MYO1E: variants seen among roughly 807,000 people sequenced by gnomAD.
MYO1E encodes unconventional myosin-Ie.
MYO1E carries 68 observed loss-of-function variants against 151.1 expected under a neutral mutation model. The ratio of observed to expected loss-of-function variants is 0.45; its 90% CI spans 0.37 to 0.55. MYO1E has a LOEUF of 0.55. MYO1E is among the 20% of genes least tolerant of loss of function. The probability of loss-of-function intolerance (pLI) is 0.00; values close to 1 mark genes in which losing one functional copy is unlikely to be tolerated. For missense variants in MYO1E, 1,363 were observed against 1,389.3 expected (o/e 0.98, Z 0.30); for synonymous variants, 601 against 501.7 (o/e 1.20, Z -2.64).
In MYO1E at chr15:59,212,792, A is replaced by G. The variant is rs1596368256; in HGVS notation, c.1275+1436T>C. The G allele has an allele frequency of 3.9e-5, 6 of 152,248 alleles. 1 individual carries two copies. The highest frequency in any genetic ancestry group is 3.8e-4 in the East Asian group (2 of 5,198). The allele number at this position is 152,248 out of a possible 1,614,324, so 9.4% of individuals were successfully genotyped here. On this transcript the variant is annotated intron_variant, in intron 12 of 27. Transcript: ENST00000288235. ...AATATTGCCATTGCGCAAAGCTAAA[A>G]TGGTGTCTTCATGAAAGAGACGGAG...
intron 23 of MYO1E, 104 bp from the exon 24 acceptor site, chr15:59,161,334 G>A (rs1311345794): frequency 1.5e-6 from 2 of 1,294,478 alleles, no homozygotes; most frequent in Non-Finnish European, 2.1e-6. Flanking sequence ...ATAAACATGA[G>A]GCGAGAACGG....
chr15:59,263,836 G>T (rs563366363), intron 2 of MYO1E, among the ~76,000 whole-genome samples: 1 of 152,138 alleles, frequency 6.6e-6, no homozygotes, highest in Non-Finnish European at 1.5e-5. Context: ...AAGGGCCATG[G>T]AAAATGTATT....
chr15:59,316,458 T>C (rs1318339912), intron 1 of MYO1E, among the ~76,000 whole-genome samples: 2 of 152,206 alleles, frequency 1.3e-5, no homozygotes, highest in Non-Finnish European at 2.9e-5. Context: ...TGGGCAGCAC[T>C]CTTTCTTCCC....
intron 2 of MYO1E, among the ~76,000 whole-genome samples, chr15:59,261,852 C>T (rs1157823694): frequency 1.3e-5 from 2 of 152,186 alleles, no homozygotes; most frequent in African/African-American, 4.8e-5. Context: ...TCAGTCCTCC[C>T]CTCAAATGAT....
In MYO1E at chr15:59,132,521, T is replaced by A. The variant is rs1596335585; in HGVS notation, c.*4859A>T. On this transcript the variant is annotated 3_prime_UTR_variant, in exon 28 of 28. Coordinates refer to ENST00000288235, the MANE Select transcript of MYO1E (RefSeq NM_004998.4). ...CCAGGATGTCATAAAAAAAGACCTT[T>A]AAGATACTTTCTTAGATGGCACAGC... is the stretch of plus-strand genomic sequence containing the variant. 6.6e-6 allele frequency: 1 copy of A among 152,186 alleles called. No homozygotes were observed. Among genetic ancestry groups the A allele is most frequent in the Non-Finnish European group, 1.5e-5 (1 of 68,036 alleles). The allele number at this position is 152,186 out of a possible 1,614,324, so 9.4% of individuals were successfully genotyped here.
In MYO1E at chr15:59,136,817, A is replaced by G. The variant is rs1262078911; in HGVS notation, c.*563T>C. ...TGATGGTCCCGGCAAAGTGTAAACC[A>G]GTGCCCCTCTGTCGCCCTGGGCTCA... On this transcript the variant is annotated 3_prime_UTR_variant, in exon 28 of 28. Coordinates refer to ENST00000288235, the MANE Select transcript of MYO1E (RefSeq NM_004998.4). 4.4e-6 allele frequency: 2 copies of G among 454,612 alleles called. No homozygotes were observed. The highest frequency in any genetic ancestry group is 8.9e-6 in the Non-Finnish European group (2 of 225,908). The allele number at this position is 454,612 out of a possible 1,614,324, so 28.2% of individuals were successfully genotyped here.
chr15:59,237,932 G>C (rs2140358922), intron 4 of MYO1E, among the ~76,000 whole-genome samples: 1 of 152,292 alleles, frequency 6.6e-6, no homozygotes, highest in East Asian at 1.9e-4. Context: ...CGGTTTTAAA[G>C]AAATTATGGG....
intron 11 of MYO1E, 128 bp from the exon 12 acceptor site, chr15:59,214,442 TAA>T (rs2079901064): frequency 1.1e-6 from 1 of 893,620 alleles, no homozygotes; most frequent in East Asian, 2.5e-5. Context: ...TCAAAAGAAA[TAA>T]GTTTATATTT....
chr15:59,185,585 G>T (rs983589486), intron 18 of MYO1E, among the ~76,000 whole-genome samples: 3 of 152,168 alleles, frequency 2.0e-5, no homozygotes, highest in Non-Finnish European at 2.9e-5. Context: ...TTAAAAAAGG[G>T]TATTTTGGGG....
At chr15:59,334,951 CAAAG>C (rs1478960361) in intron 1 of MYO1E, among the ~76,000 whole-genome samples, 1 of 152,174 alleles carries the variant, frequency 6.6e-6, no homozygotes, top group African/African-American at 2.4e-5. Context: ...GCCAAGCAGA[CAAAG>C]GAAGCCTATT....
chr15:59,142,275 C>T (rs2079414678), intron 26 of MYO1E, among the ~76,000 whole-genome samples: 2 of 152,190 alleles, frequency 1.3e-5, no homozygotes, highest in South Asian at 4.1e-4. Context: ...CTGTCTTGTT[C>T]AGGGAAAAAC....
Position 59,208,713 on chromosome 15 carries a change from G to T in MYO1E, c.1498C>A (p.Gln500Lys). 1 of 1,614,182 alleles carries T rather than the reference G, an allele frequency of 6.2e-7. No individual in the cohort carries two copies. Among genetic ancestry groups the T allele is most frequent in the Admixed American group, 1.7e-5 (1 of 60,016 alleles). Residue 500 changes from glutamine to lysine, a missense_variant, in exon 14 of 28, where the codon CAA (glutamine) becomes AAA (lysine). Transcript: ENST00000288235. ...GSHEHFNSWNQGFIIHHYAGK... is the reference protein window; with the variant it reads ...GSHEHFNSWNKGFIIHHYAGK... ...GCATAATGATGAATGATGAAGCCTT[G>T]GTTCCAACTGTTGAAGTGCTCATGA...
At chr15:59,188,962 C>T (rs2140326188) in intron 17 of MYO1E, among the ~76,000 whole-genome samples, 1 of 152,300 alleles carries the variant, frequency 6.6e-6, no homozygotes, top group Non-Finnish European at 1.5e-5. Flanking sequence ...TTTTCTAATA[C>T]AAGTTACAAA....
chr15:59,315,931 A>T (rs781265695), intron 1 of MYO1E, among the ~76,000 whole-genome samples: 1 of 152,192 alleles, frequency 6.6e-6, no homozygotes, highest in African/African-American at 2.4e-5. Context: ...GCTGCGATCC[A>T]TCAGCTTACT....
chr15:59,256,543 T>C (rs1447844830), intron 3 of MYO1E, among the ~76,000 whole-genome samples, 165 bp from the exon 4 acceptor site: 1 of 152,146 alleles, frequency 6.6e-6, no homozygotes, highest in African/African-American at 2.4e-5. Context: ...GGTTGCATGA[T>C]ACAAGAATTC....
At chr15:59,302,238 G>A (rs1327587629) in intron 1 of MYO1E, among the ~76,000 whole-genome samples, 1 of 152,116 alleles carries the variant, frequency 6.6e-6, no homozygotes, top group African/African-American at 2.4e-5. Context: ...TAAGATTTAG[G>A]GACATGTCCA....
intron 26 of MYO1E, among the ~76,000 whole-genome samples, chr15:59,147,107 T>C (rs757236172): frequency 2.4e-4 from 37 of 152,196 alleles, no homozygotes; most frequent in South Asian, 2.1e-4. Context: ...CCCGAGACAT[T>C]TGGATGTCAG....
chr15:59,243,150 T>C (rs1596381979), intron 4 of MYO1E, among the ~76,000 whole-genome samples: 1 of 146,600 alleles, frequency 6.8e-6, no homozygotes, highest in East Asian at 2.1e-4. Context: ...AACACAACTC[T>C]TATTTCAAAA....
intron 6 of MYO1E, 97 bp downstream of exon 6, chr15:59,231,605 G>A: frequency 7.7e-7 from 1 of 1,291,264 alleles, no homozygotes; most frequent in Non-Finnish European, 1.1e-6. Context: ...CTGATGATAT[G>A]TGAAAGGCTC....
Sources: allele counts gnomAD v4.1 joint callset (sites outside exome capture counted in the v4.1 genomes callset), GRCh38; gene constraint gnomAD v4.1.1; transcripts MANE v1.5; gene names NCBI Gene and HGNC (gene_info 2026-07-23, HGNC 2026-07-21).